The following NHLRC3 variants were observed in gnomAD, a reference collection of about 807,000 sequenced individuals.
NHLRC3 encodes NHL repeat containing 3.
In NHLRC3, 23 loss-of-function variants were observed where a neutral mutation model predicts 32.0. That is an observed-to-expected ratio of 0.72 (90% CI 0.52 to 1.02). The LOEUF is 1.02. Ranked by LOEUF, NHLRC3 falls within the 50% of genes least tolerant of loss-of-function variation. The pLI is 0.00. For synonymous variants in NHLRC3, 159 were observed against 147.9 expected, an observed-to-expected ratio of 1.08 and a Z score of -0.55; for missense variants, 407 against 406.8, an observed-to-expected ratio of 1.00 and a Z score of -0.01.
In NHLRC3 at chr13:39,046,265, G is replaced by A. The variant is rs913782462; in HGVS notation, c.679-775G>A. ...ACCCGGGAGGCGGAGCTTGCAGTGA[G>A]CCGAGACTGCGCCACTGCACTCCAG... On this transcript the variant is annotated intron_variant, in intron 5 of 6. Coordinates refer to ENST00000379600, the MANE Select transcript of NHLRC3 (RefSeq NM_001012754.4). Among the ~76,000 whole-genome samples, 23 of 152,156 alleles carry A rather than the reference G, an allele frequency of 1.5e-4. 1 individual carries two copies. Among genetic ancestry groups the A allele is most frequent in the Non-Finnish European group, 1.5e-5 (1 of 68,020 alleles).
chr13:39,039,338 C>CTGTTA, intron 2 of NHLRC3, 50 bp downstream of exon 2: 1 of 1,445,168 alleles, frequency 6.9e-7, no homozygotes, highest in Non-Finnish European at 9.7e-7. Context: ...GAAGTAACAG[C>CTGTTA]CTTCCTGTCT....
chr13:39,042,246 A>G lies in NHLRC3; in HGVS notation c.527A>G (p.Asp176Gly), dbSNP rs1010655669. 6.2e-7 allele frequency: 1 copy of G among 1,611,252 alleles called. No homozygotes were observed. Residue 176 changes from aspartate (D) to glycine (G), a missense_variant, in exon 4 of 7, where the codon GAT (aspartate) becomes GGT (glycine). Transcript: ENST00000379600. ...GAATTATATGTAGAGGACACAGGAGATATTTACATTGTGGATGGAGATGGA... is the reference window on the plus strand; with the variant it reads ...GAATTATATGTAGAGGACACAGGAGGTATTTACATTGTGGATGGAGATGGA... ...PAELYVEDTG[D>G]IYIVDGDGGL...
chr13:39,039,094 C>A, intron 1 of NHLRC3, 42 bp from the exon 2 acceptor site: 4 of 993,196 alleles, frequency 4.0e-6, no homozygotes, highest in Non-Finnish European at 5.8e-6. Flanking sequence ...TTGTTCTTAC[C>A]TAGACGGTAA....
chr13:39,047,660 G>A lies in NHLRC3; in HGVS notation c.792-14G>A. 6.2e-7 allele frequency: 1 copy of A among 1,601,764 alleles called. No individual in the cohort carries two copies. The highest frequency in any genetic ancestry group is 8.5e-7 in the Non-Finnish European group (1 of 1,170,688). On this transcript the variant is annotated splice_polypyrimidine_tract_variant and intron_variant, in intron 6 of 6. Coordinates refer to ENST00000379600, the MANE Select transcript of NHLRC3 (RefSeq NM_001012754.4). Reference sequence around the variant, plus strand: ...TTCACAGACATTTATTATGTTAAATGTCTTTCTCCTTAGGTTTACTCCTGA... The same window carrying A: ...TTCACAGACATTTATTATGTTAAATATCTTTCTCCTTAGGTTTACTCCTGA...
intron 5 of NHLRC3, 27 bp from the exon 6 acceptor site, chr13:39,047,013 C>A: frequency 7.4e-7 from 1 of 1,353,354 alleles, no homozygotes; most frequent in Non-Finnish European, 1.1e-6. Context: ...GGATATTTTT[C>A]AATTGACATT....
At chr13:39,046,778 C>T (rs373541230) in intron 5 of NHLRC3, among the ~76,000 whole-genome samples, 1 of 152,198 alleles carries the variant, frequency 6.6e-6, no homozygotes, top group Non-Finnish European at 1.5e-5. Flanking sequence ...TAGTTATTCA[C>T]ACATTTAGAA....
chr13:39,049,546 T>A lies in NHLRC3; in HGVS notation c.*1620T>A, dbSNP rs1364206601. On this transcript the variant is annotated 3_prime_UTR_variant, in exon 7 of 7. Transcript: ENST00000379600. ...GAGGCATTTTATTAACAAAGGCCCT[T>A]CTAAATGTGCTATTTATTTGACAAT... 9 of 152,240 alleles carry A rather than the reference T, an allele frequency of 5.9e-5. 1 individual carries two copies. The highest frequency in any genetic ancestry group is 5.9e-4 in the Admixed American group (9 of 15,286). The allele number at this position is 152,240 out of a possible 1,614,324, so 9.4% of individuals were successfully genotyped here.
At chr13:39,043,986 C>A in intron 4 of NHLRC3, 104 bp from the exon 5 acceptor site, 1 of 802,084 alleles carries the variant, frequency 1.2e-6, no homozygotes, top group Non-Finnish European at 2.1e-6. Context: ...GTCAAGTGAA[C>A]CAGCGGTGTA....
rs1871488535 is a variant in NHLRC3 at position 39,042,124 on chromosome 13, T to TA, written c.411dup (p.Tyr138IlefsTer6). On this transcript the variant is annotated frameshift_variant, in exon 4 of 7. Transcript: ENST00000379600. LOFTEE classifies it high-confidence loss of function. ...TTATAGGATTCTTTGGTCATACTGT[T>TA]AAAAAATACAGTTCTTTTGGTGATC... 2 of 1,602,522 alleles carry TA rather than the reference T, an allele frequency of 1.2e-6. No homozygotes were observed. The highest frequency in any genetic ancestry group is 1.1e-5 in the South Asian group (1 of 90,828).
At chr13:39,043,720 G>A (rs1278151386) in intron 4 of NHLRC3, among the ~76,000 whole-genome samples, 2 of 152,056 alleles carry the variant, frequency 1.3e-5, no homozygotes, top group Non-Finnish European at 2.9e-5. Flanking sequence ...GGAGATAGAC[G>A]GTAAAATCAT....
In NHLRC3 at chr13:39,049,708, G is replaced by C. The variant is rs1170884548; in HGVS notation, c.*1782G>C. 1 of 152,178 alleles carries C rather than the reference G, an allele frequency of 6.6e-6. No homozygotes were observed. Among genetic ancestry groups the C allele is most frequent in the African/African-American group, 2.4e-5 (1 of 41,440 alleles). The allele number at this position is 152,178 out of a possible 1,614,324, so 9.4% of individuals were successfully genotyped here. A position where few individuals can be genotyped will look rare whatever the true frequency, so the allele number is the denominator to read the frequency against. ...AGGGTTTGTTTTTAAGCCAGGACAA[G>C]AAGTGCAAATGCCTCTTTGAAGCAA... On this transcript the variant is annotated 3_prime_UTR_variant, in exon 7 of 7. Transcript: ENST00000379600.
At chr13:39,042,357 T>G (rs1871500377) in intron 4 of NHLRC3, 52 bp downstream of exon 4, 1 of 1,121,460 alleles carries the variant, frequency 8.9e-7, no homozygotes, top group Non-Finnish European at 1.3e-6. Context: ...GATTTTAATT[T>G]GTTCGATATT....
chr13:39,039,777 G>A, intron 3 of NHLRC3, 66 bp downstream of exon 3: 1 of 1,197,986 alleles, frequency 8.3e-7, no homozygotes, highest in Non-Finnish European at 1.2e-6. Context: ...GTCCTTGTTT[G>A]TATTGTTTAA....
rs768832455 is a variant in NHLRC3, at chr13:39,039,166, TGGA to T, written c.117_119del (p.Trp39_Arg40delinsTer). 314 of 1,608,030 alleles carry T rather than the reference TGGA, an allele frequency of 2.0e-4. No individual in the cohort carries two copies. Among genetic ancestry groups the T allele is most frequent in the Non-Finnish European group, 2.5e-4 (289 of 1,176,522 alleles). ...GAGGAACTTTACTTTTGCAGTTTCC[TGGA>T]GAACTGAGAAAATTCTTTACCGGCT... On this transcript the variant is annotated stop_gained and inframe_deletion, in exon 2 of 7. Transcript: ENST00000379600. LOFTEE classifies it high-confidence loss of function.
chr13:39,039,331 GTAACA>G, intron 2 of NHLRC3, 43 bp downstream of exon 2: 1 of 1,492,644 alleles, frequency 6.7e-7, no homozygotes, highest in Non-Finnish European at 9.3e-7. Flanking sequence ...CACAAAGGAA[GTAACA>G]GCCTTCCTGT....
chr13:39,046,187 G>A (rs6563665), intron 5 of NHLRC3, among the ~76,000 whole-genome samples: 2,714 of 152,200 alleles, frequency 0.018, 94 homozygotes, highest in African/African-American at 0.062. Flanking sequence ...GCGTGGTGGC[G>A]GGCGCCTGTA....
Position 39,042,283 on chromosome 13 carries a change from CAG to C in NHLRC3, c.566_567del (p.Arg189IlefsTer23). 4.4e-6 allele frequency: 7 copies of C among 1,597,724 alleles called. No individual in the cohort carries two copies. The highest frequency in any genetic ancestry group is 6.0e-6 in the Non-Finnish European group (7 of 1,165,264). The part of the protein sequence containing the change: ...IVDGDGGLNN[R>X]LIKLSQDFMI... ...TGGATGGAGATGGAGGATTGAATAA[CAG>C]ATTGATCAAACTGTCCCAAGGTACA... On this transcript the variant is annotated frameshift_variant, in exon 4 of 7. Transcript: ENST00000379600. LOFTEE classifies it high-confidence loss of function.
Position 39,039,628 on chromosome 13 carries a change from A to G in NHLRC3, c.302A>G (p.Asn101Ser), listed in dbSNP as rs372329688. ...GATGGATATTTCCTACGAGCCTGGA[A>G]TTATACAGTTGACACACCTCATGGT... Reference protein sequence around the residue: ...TEDGYFLRAWNYTVDTPHGIF... With the variant: ...TEDGYFLRAWSYTVDTPHGIF... Residue 101 changes from asparagine (N) to serine (S), a missense_variant, in exon 3 of 7, where the codon AAT becomes AGT. Transcript: ENST00000379600. The G allele has an allele frequency of 5.6e-6, 9 of 1,611,892 alleles. No homozygotes were observed. The South Asian group carries it at 8.8e-5, about 16-fold the overall frequency.
intron 3 of NHLRC3, chr13:39,041,809 G>A: frequency 3.4e-6 from 1 of 291,092 alleles, no homozygotes; most frequent in South Asian, 5.4e-5. Flanking sequence ...AGAAAATGGT[G>A]CACCAATACT....
Sources: gnomAD v4.1 joint callset for allele counts (sites outside exome capture counted in the v4.1 genomes callset) on GRCh38, gnomAD v4.1.1 for gene constraint, MANE v1.5 for transcripts, NCBI Gene and HGNC (gene_info 2026-07-23, HGNC 2026-07-21) for gene names.